PTPRE: variants seen among roughly 807,000 people sequenced by gnomAD.
The protein encoded by PTPRE is protein tyrosine phosphatase receptor type E.
Under a neutral mutation model 102.0 loss-of-function variants are expected in PTPRE, and 51 were observed. The ratio of observed to expected loss-of-function variants is 0.50; its 90% CI spans 0.40 to 0.63. The LOEUF (loss-of-function observed/expected upper bound fraction) is 0.63, where lower values mean the gene tolerates loss of function less well. Among genes scored for constraint, PTPRE ranks in the 30% least tolerant of loss-of-function variants. The pLI is 0.00. For missense variants in PTPRE, 752 were observed against 915.1 expected (o/e 0.82, Z 2.30); for synonymous variants, 345 against 348.2 (o/e 0.99, Z 0.10).
chr10:127,980,488 AT>A (rs1204956849), intron 1 of PTPRE, among the ~76,000 whole-genome samples: 2 of 151,892 alleles, frequency 1.3e-5, no homozygotes, highest in Non-Finnish European at 2.9e-5. Context: ...TTCAATGCTT[AT>A]GTCTTTTAAT....
chr10:128,047,575 G>A lies in PTPRE; in HGVS notation c.209+86G>A, dbSNP rs371195109. 53 of 1,611,804 alleles carry A rather than the reference G, an allele frequency of 3.3e-5. No individual in the cohort carries two copies. In the Middle Eastern group the frequency reaches 1.2e-3, roughly 36 times the overall value. ...TGATGCTGTGGGCGTGGGCTGTGCA[G>A]CAGAGGGCAGCTGAGAGGCTGGGTG... On this transcript the variant is annotated intron_variant, in intron 4 of 20. Coordinates refer to ENST00000254667, the MANE Select transcript of PTPRE (RefSeq NM_006504.6).
intron 2 of PTPRE, among the ~76,000 whole-genome samples, chr10:128,033,798 C>T (rs964927453): frequency 6.6e-6 from 1 of 152,198 alleles, no homozygotes; most frequent in Non-Finnish European, 1.5e-5. Flanking sequence ...GCGTGCACCA[C>T]ATCACCCATC....
At chr10:127,998,362 C>T (rs533653666) in intron 2 of PTPRE, 8 of 152,324 alleles carry the variant, frequency 5.3e-5, no homozygotes, top group African/African-American at 1.2e-4. Flanking sequence ...CTATTCCAGT[C>T]GCTGTGAAAG....
At chr10:127,974,862 G>A (rs553373282) in intron 1 of PTPRE, among the ~76,000 whole-genome samples, 209 of 150,876 alleles carry the variant, frequency 1.4e-3, no homozygotes, top group African/African-American at 4.1e-3. Flanking sequence ...ACCTGCCTTC[G>A]TCATCTGTAA....
chr10:128,059,639 G>A (rs1315031111), intron 7 of PTPRE, among the ~76,000 whole-genome samples: 3 of 152,120 alleles, frequency 2.0e-5, no homozygotes, highest in Admixed American at 6.5e-5. Flanking sequence ...CAGCATAAAC[G>A]TCCTCAGAAC....
intron 1 of PTPRE, among the ~76,000 whole-genome samples, chr10:127,970,022 G>A (rs1048087273): frequency 5.9e-5 from 9 of 152,282 alleles, no homozygotes; most frequent in East Asian, 1.9e-4. Context: ...TTGTGACCTC[G>A]AGCTGAATGT....
chr10:127,910,045 C>A (rs1225384754), intron 1 of PTPRE, among the ~76,000 whole-genome samples: 3 of 152,178 alleles, frequency 2.0e-5, no homozygotes. Context: ...CCTTGCTAGA[C>A]AAGTCTTTTT....
At chr10:127,984,626 A>G (rs1851928180) in intron 2 of PTPRE, among the ~76,000 whole-genome samples, 1 of 152,042 alleles carries the variant, frequency 6.6e-6, no homozygotes, top group Non-Finnish European at 1.5e-5. Context: ...CCTAATTCCC[A>G]CGTGTTGTGG....
intron 1 of PTPRE, among the ~76,000 whole-genome samples, chr10:127,957,312 C>A (rs143835078): frequency 6.6e-6 from 1 of 152,042 alleles, no homozygotes; most frequent in African/African-American, 2.4e-5. Flanking sequence ...GTCCCAGCAC[C>A]GTATGTTGAA....
At chr10:127,943,472 T>G (rs543462560) in intron 1 of PTPRE, among the ~76,000 whole-genome samples, 1 of 152,166 alleles carries the variant, frequency 6.6e-6, no homozygotes, top group South Asian at 2.1e-4. Context: ...TCCCGTCGTC[T>G]TCTCCCATGC....
chr10:128,053,265 TA>T (rs1273612141), intron 6 of PTPRE, among the ~76,000 whole-genome samples: 2 of 151,906 alleles, frequency 1.3e-5, no homozygotes, highest in East Asian at 1.9e-4. Context: ...ATAAAAATGT[TA>T]AAAAAGGAAA....
chr10:127,917,281 C>T (rs1326666860), intron 1 of PTPRE, among the ~76,000 whole-genome samples: 1 of 151,566 alleles, frequency 6.6e-6, no homozygotes, highest in African/African-American at 2.4e-5. Context: ...CAGCTGATTC[C>T]AGCAGGGAGG....
rs534809148 is a variant in PTPRE at position 128,049,200 on chromosome 10, T to C, written c.284-330T>C. On this transcript the variant is annotated intron_variant, in intron 5 of 20. Transcript: ENST00000254667. Reference sequence around the variant, plus strand: ...GAGTGAGGCCGTCTTGAATCCTTTTTGGAAGGAGCAGGGGCTGGAGGGAAG... The same window carrying C: ...GAGTGAGGCCGTCTTGAATCCTTTTCGGAAGGAGCAGGGGCTGGAGGGAAG... 5.7e-3 allele frequency among the ~76,000 whole-genome samples: 818 copies of C among 143,444 alleles called. 3 individuals carry two copies. The highest frequency in any genetic ancestry group is 0.014 in the Middle Eastern group (4 of 286). 94.1% of individuals were successfully genotyped at this position (143,444 alleles called of 152,430 possible).
chr10:128,041,233 G>A (rs1256349530), intron 3 of PTPRE, among the ~76,000 whole-genome samples: 1 of 152,180 alleles, frequency 6.6e-6, no homozygotes, highest in Admixed American at 6.5e-5. Context: ...GAGAGTCAGG[G>A]TCAGCCTTGG....
chr10:128,056,034 T>A, intron 6 of PTPRE, 89 bp from the exon 7 acceptor site: 1 of 1,060,934 alleles, frequency 9.4e-7, no homozygotes. Flanking sequence ...CCACGTGTTT[T>A]CATTAATTCC....
At chr10:128,003,284 C>T (rs1206880736) in intron 2 of PTPRE, among the ~76,000 whole-genome samples, 1 of 152,062 alleles carries the variant, frequency 6.6e-6, no homozygotes, top group East Asian at 1.9e-4. Flanking sequence ...GCGGCTGTTT[C>T]CCTCTCTGTG....
chr10:127,995,637 G>C (rs11016004), intron 2 of PTPRE, among the ~76,000 whole-genome samples: 34,698 of 152,130 alleles, frequency 0.23, 3,977 homozygotes, highest in Admixed American at 0.25. Flanking sequence ...ATGAAAACCT[G>C]TTTTCCAACG....
rs762512085 is a variant in PTPRE at position 128,070,290 on chromosome 10, CCT to C, written c.1144-6_1144-5del. ...GAGTTGAGGGTGTGGGCACCCCTGG[CCT>C]CTCTGCAGATGCAGTACACGTTCAT... On this transcript the variant is annotated splice_polypyrimidine_tract_variant and intron_variant, in intron 13 of 20. Coordinates refer to ENST00000254667, the MANE Select transcript of PTPRE (RefSeq NM_006504.6). This position sits in a 1 kb window ranked among gnomAD's most constrained non-coding sequence, Gnocchi z 4.8. The C allele has an allele frequency of 1.1e-5, 18 of 1,599,216 alleles. No individual in the cohort carries two copies. The highest frequency in any genetic ancestry group is 1.7e-4 in the Middle Eastern group (1 of 5,980).
Position 127,909,659 on chromosome 10 carries a change from GTA to G in PTPRE, c.-31+2352_-31+2353del, listed in dbSNP as rs1845733180. 2.6e-5 allele frequency among the ~76,000 whole-genome samples: 4 copies of G among 152,200 alleles called. No homozygotes were observed. In the South Asian group the frequency reaches 8.3e-4, roughly 31 times the overall value. ...CCAGCCTCCATGTTGCTTCTGAAAT[GTA>G]TGCCAGACTATAGTTTCTGTGAAGA... On this transcript the variant is annotated intron_variant, in intron 1 of 20. Transcript: ENST00000254667.
Sources: gnomAD v4.1 joint callset for allele counts (sites outside exome capture counted in the v4.1 genomes callset) on GRCh38, gnomAD v4.1.1 for gene constraint, Gnocchi (gnomAD v3.1) non-coding constraint, MANE v1.5 for transcripts, NCBI Gene and HGNC (gene_info 2026-07-23, HGNC 2026-07-21) for gene names.